Variants in ELP2 observed in about 807,000 individuals in gnomAD.
The protein encoded by ELP2 is elongator complex protein 2.
A neutral mutation model predicts 119.2 loss-of-function variants in ELP2; 90 were observed. The observed-to-expected ratio is 0.75, with a 90% CI of 0.64 to 0.90. The LOEUF (loss-of-function observed/expected upper bound fraction) is 0.90. Among genes scored for constraint, ELP2 ranks in the 40% least tolerant of loss-of-function variants. ELP2 has a pLI of 0.00. For synonymous variants in ELP2, 339 were observed against 331.0 expected, an observed-to-expected ratio of 1.02 and a Z score of -0.26; for missense variants, 921 against 967.8, an observed-to-expected ratio of 0.95 and a Z score of 0.64.
chr18:36,170,306 T>G, intron 20 of ELP2, 110 bp downstream of exon 20: 2 of 1,396,238 alleles, frequency 1.4e-6, no homozygotes, highest in Non-Finnish European at 2.0e-6. Flanking sequence ...TACTGTCTTT[T>G]TTTTCTTTTT....
chr18:36,163,331 TTGATG>T (rs2090799799), intron 17 of ELP2, among the ~76,000 whole-genome samples: 1 of 150,690 alleles, frequency 6.6e-6, no homozygotes, highest in African/African-American at 2.4e-5. Context: ...CAATTATCCA[TTGATG>T]GACACTGAAC....
intron 11 of ELP2, among the ~76,000 whole-genome samples, chr18:36,148,098 G>GT (rs551791532): frequency 0.43 from 61,797 of 143,498 alleles, 14,391 homozygotes; most frequent in East Asian, 0.7. Flanking sequence ...TCAGGTTTTT[G>GT]TTTTTTTTTT....
rs1024962162 is a variant in ELP2, at chr18:36,175,344, A to G, written c.*703A>G. 2 of 152,222 alleles carry G rather than the reference A, an allele frequency of 1.3e-5. No individual in the cohort carries two copies. Among genetic ancestry groups the G allele is most frequent in the South Asian group, 2.1e-4 (1 of 4,828 alleles). The allele number at this position is 152,222 out of a possible 1,614,324, so 9.4% of individuals were successfully genotyped here. A position where few individuals can be genotyped will look rare whatever the true frequency, so the allele number is the denominator to read the frequency against. ...ACTTAATTTTATTTTAACATTTTCT[A>G]TAGATAGCATACCACGCCAAGTGTG... is the stretch of plus-strand genomic sequence containing the variant. On this transcript the variant is annotated 3_prime_UTR_variant, in exon 22 of 22. Transcript: ENST00000358232.
intron 1 of ELP2, among the ~76,000 whole-genome samples, chr18:36,132,513 C>T (rs1043439808): frequency 2.6e-5 from 4 of 152,170 alleles, no homozygotes; most frequent in Non-Finnish European, 5.9e-5. Flanking sequence ...AAGCCATTGC[C>T]GTTGACAACA....
chr18:36,156,027 G>A (rs536923668), intron 12 of ELP2, among the ~76,000 whole-genome samples: 2 of 152,182 alleles, frequency 1.3e-5, no homozygotes, highest in Non-Finnish European at 2.9e-5. Context: ...ATTGCTAAGT[G>A]TTGGCCCTGA....
At position 36,159,957 on chromosome 18, in the gene ELP2, G is replaced by A. The variant is rs778599887; in HGVS notation, c.1631-1G>A. 4 of 1,613,870 alleles carry A rather than the reference G, an allele frequency of 2.5e-6. No homozygotes were observed. The highest frequency in any genetic ancestry group is 3.4e-6 in the Non-Finnish European group (4 of 1,179,960). On this transcript the variant is annotated splice_acceptor_variant, in intron 15 of 21. Transcript: ENST00000358232. LOFTEE classifies it high-confidence loss of function. Reference sequence around the variant, plus strand: ...AAAAAAATAGCTTCAATTTATTCTAGAGCCTCCCACTGAGGATCATCTTCT... The same window carrying A: ...AAAAAAATAGCTTCAATTTATTCTAAAGCCTCCCACTGAGGATCATCTTCT...
In ELP2 at chr18:36,171,320, T is replaced by A. The variant is rs73946781; in HGVS notation, c.2324+160T>A. ...AATCTGAAATTGATACATGTGGTAA[T>A]CTGAAATTGATATATTGCACTTGAT... On this transcript the variant is annotated intron_variant, in intron 21 of 21. Coordinates refer to ENST00000358232, the MANE Select transcript of ELP2 (RefSeq NM_018255.4). Among the ~76,000 whole-genome samples, 1,138 of 152,332 alleles carry A rather than the reference T, an allele frequency of 7.5e-3. 19 individuals carry two copies. The highest frequency in any genetic ancestry group is 0.025 in the African/African-American group (1,056 of 41,576).
intron 5 of ELP2, among the ~76,000 whole-genome samples, chr18:36,140,284 T>C (rs2089975510): frequency 1.3e-5 from 2 of 151,806 alleles, no homozygotes; most frequent in South Asian, 4.2e-4. Context: ...CATGCCACCA[T>C]GCCTGGCTAA....
intron 21 of ELP2, among the ~76,000 whole-genome samples, chr18:36,173,596 C>T (rs1053179728): frequency 3.9e-5 from 6 of 152,166 alleles, no homozygotes; most frequent in East Asian, 3.9e-4. Flanking sequence ...TGTAAGGGCA[C>T]GCAGTCATCT....
At chr18:36,154,772 T>C (rs763021139) in intron 11 of ELP2, 78 bp from the exon 12 acceptor site, 10 of 1,541,140 alleles carry the variant, frequency 6.5e-6, no homozygotes, top group Non-Finnish European at 8.0e-6. Context: ...TAGTCTTCTC[T>C]GTTATCAGAC....
chr18:36,178,469 A>G lies in ELP2; in HGVS notation c.*3828A>G, dbSNP rs2091270542. The G allele has an allele frequency of 2.6e-5, 4 of 152,216 alleles. No individual in the cohort carries two copies. The South Asian group carries it at 8.3e-4, about 32-fold the overall frequency. 9.4% of individuals were successfully genotyped at this position (152,216 alleles called of 1,614,324 possible). On this transcript the variant is annotated 3_prime_UTR_variant, in exon 22 of 22. Transcript: ENST00000358232. ...ACTTGAGACGTGTGAATCCAGTGCA[A>G]TGTATGAACCTTGTTTGCCTCTTGA...
intron 14 of ELP2, 118 bp downstream of exon 14, chr18:36,159,022 T>C (rs2090652462): frequency 2.8e-6 from 2 of 723,650 alleles, no homozygotes; most frequent in African/African-American, 3.6e-5. Flanking sequence ...AATCACAGTA[T>C]ATCTTTTCTA....
intron 11 of ELP2, among the ~76,000 whole-genome samples, chr18:36,153,955 CTG>C (rs139954892): frequency 0.055 from 8,316 of 151,900 alleles, 330 homozygotes; most frequent in East Asian, 0.16. Context: ...CTGTGGGAAA[CTG>C]TTAGTCCAAA....
chr18:36,141,838 G>A (rs1345864564), intron 6 of ELP2, among the ~76,000 whole-genome samples: 1 of 151,854 alleles, frequency 6.6e-6, no homozygotes, highest in Non-Finnish European at 1.5e-5. Context: ...CCACAGGCGT[G>A]TATCACCATG....
chr18:36,151,529 G>A (rs1056167069), intron 11 of ELP2, among the ~76,000 whole-genome samples: 9 of 152,062 alleles, frequency 5.9e-5, no homozygotes, highest in African/African-American at 1.9e-4. Context: ...TTTAGGCCAG[G>A]CATGGCGTCT....
chr18:36,170,722 T>C (rs2091054150), intron 20 of ELP2, among the ~76,000 whole-genome samples: 1 of 152,228 alleles, frequency 6.6e-6, no homozygotes, highest in Non-Finnish European at 1.5e-5. Flanking sequence ...GGCTCAAAGA[T>C]TCTTACTTCA....
intron 18 of ELP2, 89 bp downstream of exon 18, chr18:36,164,756 A>G (rs2090844530): frequency 7.7e-7 from 1 of 1,296,316 alleles, no homozygotes; most frequent in Non-Finnish European, 1.1e-6. Context: ...GAGAAAGATA[A>G]CAGAGTGAAG....
intron 18 of ELP2, among the ~76,000 whole-genome samples, chr18:36,165,716 T>C (rs2090875722): frequency 6.6e-6 from 1 of 152,112 alleles, no homozygotes; most frequent in African/African-American, 2.4e-5. Context: ...ACCCCATCTC[T>C]ACTAAAAATA....
intron 1 of ELP2, among the ~76,000 whole-genome samples, chr18:36,132,876 A>G (rs1404451564): frequency 2.6e-5 from 4 of 151,086 alleles, no homozygotes; most frequent in African/African-American, 9.7e-5. Flanking sequence ...TAGTAGGCCT[A>G]CTTCCACAAG....
Sources: gnomAD v4.1 joint callset for allele counts (sites outside exome capture counted in the v4.1 genomes callset) on GRCh38, gnomAD v4.1.1 for gene constraint, MANE v1.5 for transcripts, NCBI Gene and HGNC (gene_info 2026-07-23, HGNC 2026-07-21) for gene names.